Variants in DLGAP2 observed in about 807,000 individuals in gnomAD.
DLGAP2 encodes disks large-associated protein 2.
In DLGAP2, 26 loss-of-function variants were observed where a neutral mutation model predicts 100.3. That is an observed-to-expected ratio of 0.26 (90% CI 0.19 to 0.36). DLGAP2 has a LOEUF of 0.36. Among genes scored for constraint, DLGAP2 ranks in the 10% least tolerant of loss-of-function variants. DLGAP2 has a pLI of 1.00. For synonymous variants in DLGAP2, 886 were observed against 630.1 expected, an observed-to-expected ratio of 1.41 and a Z score of -6.08; for missense variants, 1,858 against 1,453.2, an observed-to-expected ratio of 1.28 and a Z score of -4.53.
At chr8:1,265,439 A>G (rs28696746) in intron 3 of DLGAP2, among the ~76,000 whole-genome samples, 4,055 of 152,308 alleles carry the variant, frequency 0.027, 112 homozygotes, top group South Asian at 0.083. Context: ...AGGGAAATAG[A>G]AGAATCAAGT....
chr8:1,360,720 C>T (rs919743048), intron 3 of DLGAP2, among the ~76,000 whole-genome samples: 2 of 152,148 alleles, frequency 1.3e-5, no homozygotes, highest in Non-Finnish European at 2.9e-5. Flanking sequence ...GATCGGTGGC[C>T]TCGTTCTTCC....
At chr8:1,524,770 G>A (rs960704134) in intron 4 of DLGAP2, among the ~76,000 whole-genome samples, 7 of 152,168 alleles carry the variant, frequency 4.6e-5, no homozygotes, top group South Asian at 2.1e-4. Flanking sequence ...TCTTCCCACC[G>A]CCTTGCCACA....
At chr8:1,428,412 C>T (rs183735953) in intron 3 of DLGAP2, among the ~76,000 whole-genome samples, 1 of 151,946 alleles carries the variant, frequency 6.6e-6, no homozygotes, top group South Asian at 2.1e-4. Context: ...ATCTCTCTTT[C>T]CTTGAGAGAG....
chr8:1,125,248 A>T (rs909676263), intron 2 of DLGAP2, among the ~76,000 whole-genome samples: 5 of 152,236 alleles, frequency 3.3e-5, no homozygotes, highest in Admixed American at 6.5e-5. Flanking sequence ...TCTCCCTGTA[A>T]GATATTTCAT....
chr8:1,548,653 A>G lies in DLGAP2; in HGVS notation c.200A>G (p.Gln67Arg), dbSNP rs765301665. The change falls in exon 5 of 15, where the codon CAG becomes CGG. Residue 67 changes from glutamine to arginine, a missense_variant. Transcript: ENST00000637795. ...CCGCAGTACTCATGGTCGCCCACGC[A>G]GCACTTCAATGAGGAGCGCTACTCG... The part of the protein sequence containing the change: ...LDPQYSWSPT[Q>R]HFNEERYSPA... 4 of 1,572,802 alleles carry G rather than the reference A, an allele frequency of 2.5e-6. No homozygotes were observed. The African/African-American group carries it at 5.4e-5, about 21-fold the overall frequency.
In DLGAP2 at chr8:1,299,704, T is replaced by G. The variant is rs555948131; in HGVS notation, c.106+40821T>G. ...TTTAAATTATTTTTTTAAAGTACTG[T>G]GAGCTCCTCAGAATAAAACCAAATG... On this transcript the variant is annotated intron_variant, in intron 3 of 14. Coordinates refer to ENST00000637795, the MANE Select transcript of DLGAP2 (RefSeq NM_001346810.2). Among the ~76,000 whole-genome samples, 4 of 152,356 alleles carry G rather than the reference T, an allele frequency of 2.6e-5. No individual in the cohort carries two copies. In the East Asian group the frequency reaches 7.7e-4, roughly 29 times the overall value.
At chr8:1,271,489 G>C (rs1799582418) in intron 3 of DLGAP2, among the ~76,000 whole-genome samples, 1 of 152,094 alleles carries the variant, frequency 6.6e-6, no homozygotes, top group Admixed American at 6.6e-5. Context: ...CCATTTATCA[G>C]GCATTATCTG....
intron 2 of DLGAP2, among the ~76,000 whole-genome samples, chr8:1,181,619 T>C (rs897331343): frequency 1.6e-4 from 25 of 152,124 alleles, no homozygotes; most frequent in Middle Eastern, 6.8e-3. Context: ...AAATAATCTA[T>C]ACAATAAGCC....
chr8:879,814 C>G (rs543410508), intron 1 of DLGAP2, among the ~76,000 whole-genome samples: 1 of 152,282 alleles, frequency 6.6e-6, no homozygotes, highest in East Asian at 1.9e-4. Context: ...AAAATAAAAC[C>G]ATAGCAACAA....
intron 1 of DLGAP2, among the ~76,000 whole-genome samples, chr8:882,387 G>A (rs1797824123): frequency 6.8e-6 from 1 of 147,992 alleles, no homozygotes; most frequent in African/African-American, 2.5e-5. Flanking sequence ...CTGATCCAGC[G>A]GTACCTCTCC....
intron 2 of DLGAP2, among the ~76,000 whole-genome samples, chr8:1,161,099 C>T (rs1396287010): frequency 3.9e-5 from 6 of 152,194 alleles, no homozygotes; most frequent in Non-Finnish European, 1.5e-5. Context: ...ACTTTTATGG[C>T]TGTTATTACT....
At chr8:1,089,428 G>A (rs996660423) in intron 2 of DLGAP2, among the ~76,000 whole-genome samples, 9 of 152,114 alleles carry the variant, frequency 5.9e-5, no homozygotes, top group South Asian at 2.1e-4. Flanking sequence ...AGACTCCATC[G>A]CCTTCCTCCA....
At chr8:1,114,922 T>C (rs1805068414) in intron 2 of DLGAP2, among the ~76,000 whole-genome samples, 1 of 152,228 alleles carries the variant, frequency 6.6e-6, no homozygotes, top group African/African-American at 2.4e-5. Context: ...TCAAAGAACT[T>C]CTTGATTTCT....
intron 3 of DLGAP2, among the ~76,000 whole-genome samples, chr8:1,340,062 C>T (rs1801384424): frequency 6.6e-6 from 1 of 152,276 alleles, no homozygotes; most frequent in African/African-American, 2.4e-5. Flanking sequence ...AACTGGACCC[C>T]TTTCTTCCAC....
At chr8:1,455,188 T>A (rs756836629) in intron 3 of DLGAP2, among the ~76,000 whole-genome samples, 2 of 152,212 alleles carry the variant, frequency 1.3e-5, no homozygotes, top group Non-Finnish European at 2.9e-5. Context: ...GATGCTGGCA[T>A]CAAGTCAGTG....
intron 14 of DLGAP2, among the ~76,000 whole-genome samples, chr8:1,699,793 A>G (rs1006899448): frequency 1.3e-5 from 2 of 152,042 alleles, no homozygotes; most frequent in Non-Finnish European, 1.5e-5. Context: ...TCTGCTGGAC[A>G]CTCCTACAGT....
At chr8:1,450,434 G>A (rs1380657385) in intron 3 of DLGAP2, among the ~76,000 whole-genome samples, 4 of 133,826 alleles carry the variant, frequency 3.0e-5, no homozygotes, top group East Asian at 2.4e-4. Context: ...GGGTGAAGAC[G>A]AGGTGGGCGG....
chr8:1,295,003 C>G (rs1006494378), intron 3 of DLGAP2, among the ~76,000 whole-genome samples: 1 of 151,932 alleles, frequency 6.6e-6, no homozygotes, highest in African/African-American at 2.4e-5. Context: ...AAAAAGGAGC[C>G]ATATAATCAT....
chr8:1,169,058 A>G (rs1797074373), intron 2 of DLGAP2, among the ~76,000 whole-genome samples: 2 of 149,186 alleles, frequency 1.3e-5, no homozygotes, highest in South Asian at 4.4e-4. Context: ...TGATTTTTGT[A>G]TAAGGTGTAA....
Sources: gnomAD v4.1 joint callset for allele counts (sites outside exome capture counted in the v4.1 genomes callset) on GRCh38, gnomAD v4.1.1 for gene constraint, MANE v1.5 for transcripts, NCBI Gene and HGNC (gene_info 2026-07-23, HGNC 2026-07-21) for gene names.